The following GPD2 variants were observed in gnomAD, a reference collection of about 807,000 sequenced individuals.
GPD2 encodes glycerol-3-phosphate dehydrogenase, mitochondrial.
Under a neutral mutation model 82.4 loss-of-function variants are expected in GPD2, and 54 were observed. That is an observed-to-expected ratio of 0.66 (90% CI 0.53 to 0.82). The LOEUF is 0.82. Ranked by LOEUF, GPD2 falls within the 40% of genes least tolerant of loss-of-function variation. GPD2 has a pLI of 0.00. For missense variants in GPD2, 748 were observed against 896.2 expected (o/e 0.83, Z 2.11); for synonymous variants, 288 against 306.1 (o/e 0.94, Z 0.62).
At chr2:156,492,188 C>T (rs1431035943) in intron 2 of GPD2, among the ~76,000 whole-genome samples, 6 of 108,066 alleles carry the variant, frequency 5.6e-5, no homozygotes, top group African/African-American at 2.1e-4. Context: ...AGAATATCCT[C>T]TGTCACCTAG....
At chr2:156,413,443 G>T in the GPD2 span, among the ~76,000 whole-genome samples, 1 of 151,764 alleles carries the variant, frequency 6.6e-6, no homozygotes, top group Admixed American at 6.6e-5. Flanking sequence ...AATTAGCCAG[G>T]TGTGGTGGTT....
intron 2 of GPD2, among the ~76,000 whole-genome samples, chr2:156,492,558 T>C (rs1038747016): frequency 6.6e-6 from 1 of 151,836 alleles, no homozygotes; most frequent in Non-Finnish European, 1.5e-5. Flanking sequence ...GTTTTATACA[T>C]GGAAATGACA....
At chr2:156,491,604 C>T (rs189044478) in intron 2 of GPD2, among the ~76,000 whole-genome samples, 42 of 152,116 alleles carry the variant, frequency 2.8e-4, no homozygotes, top group African/African-American at 9.2e-4. Flanking sequence ...CAGTTGAGGA[C>T]GATTATGAAT....
chr2:156,402,568 G>C, the GPD2 span, among the ~76,000 whole-genome samples: 3 of 152,314 alleles, frequency 2.0e-5, no homozygotes, highest in African/African-American at 7.2e-5. Flanking sequence ...TACCTTTCCA[G>C]AGGTGCTTCA....
Position 156,512,314 on chromosome 2 carries a change from A to G in GPD2, c.494A>G (p.Tyr165Cys). The change falls in exon 5 of 17, where the codon TAC becomes TGC. Residue 165 changes from tyrosine (Y) to cysteine (C), a missense_variant. Tyr to Cys is a radical substitution (Grantham distance 194, BLOSUM62 -2). Transcript: ENST00000438166. The part of the protein sequence containing the change: ...SAPLPIMLPV[Y>C]KWWQLPYYWV... Reference sequence around the variant, plus strand: ...CCATTGCCTATAATGCTTCCAGTTTACAAGTAAGCCTTTTGATATCACCTG... The same window carrying G: ...CCATTGCCTATAATGCTTCCAGTTTGCAAGTAAGCCTTTTGATATCACCTG... The G allele has an allele frequency of 6.6e-7, 1 of 1,514,928 alleles. No individual in the cohort carries two copies. The highest frequency in any genetic ancestry group is 9.2e-7 in the Non-Finnish European group (1 of 1,089,506). The allele number at this position is 1,514,928 out of a possible 1,614,324, so 93.8% of individuals were successfully genotyped here. A position where few individuals can be genotyped will look rare whatever the true frequency, so the allele number is the denominator to read the frequency against.
Position 156,585,917 on chromosome 2 carries a change from G to A in GPD2, c.*2999G>A, listed in dbSNP as rs562063404. On this transcript the variant is annotated 3_prime_UTR_variant, in exon 17 of 17. Coordinates refer to ENST00000438166, the MANE Select transcript of GPD2 (RefSeq NM_000408.5). ...ATACACACCGCATGTTTTCATATGTGGCACTTTTATGTATCATGTTGGGTT... is the reference window on the plus strand; with the variant it reads ...ATACACACCGCATGTTTTCATATGTAGCACTTTTATGTATCATGTTGGGTT... 23 of 152,484 alleles carry A rather than the reference G, an allele frequency of 1.5e-4. No individual in the cohort carries two copies. Among genetic ancestry groups the A allele is most frequent in the Admixed American group, 1.1e-3 (17 of 15,232 alleles). The allele number at this position is 152,484 out of a possible 1,614,324, so 9.4% of individuals were successfully genotyped here.
intron 2 of GPD2, among the ~76,000 whole-genome samples, chr2:156,476,425 AT>A (rs1214250819): frequency 1.3e-5 from 2 of 152,202 alleles, no homozygotes; most frequent in African/African-American, 4.8e-5. Context: ...AGGAAGCATT[AT>A]TTAGCCTGTG....
chr2:156,557,349 T>C (rs369671755), intron 8 of GPD2, 40 bp from the exon 9 acceptor site: 21 of 1,257,346 alleles, frequency 1.7e-5, no homozygotes, highest in Non-Finnish European at 2.3e-5. Context: ...GTTAAACTTC[T>C]GGGATTTTCA....
rs765791937 is a variant in GPD2 at position 156,496,121 on chromosome 2, G to A, written c.180G>A (p.Gln60=). ...VNREPPSREA[Q]LLTLQNTSEF... ...GGGAGCCTCCTTCCAGAGAAGCTCA[G>A]CTACTGACTTTGCAAAACACATCTG... Residue 60 remains glutamine (Q), a synonymous_variant, in exon 3 of 17, where the codon CAG becomes CAA. Transcript: ENST00000438166. 6.2e-7 allele frequency: 1 copy of A among 1,612,222 alleles called. No individual in the cohort carries two copies. The highest frequency in any genetic ancestry group is 1.7e-5 in the Admixed American group (1 of 60,016).
intron 2 of GPD2, among the ~76,000 whole-genome samples, chr2:156,483,332 A>G (rs1199958497): frequency 6.6e-6 from 1 of 152,226 alleles, no homozygotes. Context: ...TCTTCATAAA[A>G]TAAAGATAAT....
At chr2:156,442,018 C>T (rs2105139632) in intron 1 of GPD2, among the ~76,000 whole-genome samples, 1 of 152,064 alleles carries the variant, frequency 6.6e-6, no homozygotes, top group Admixed American at 6.5e-5. Context: ...CTGTCAAAGT[C>T]TGGGTACTTT....
intron 1 of GPD2, among the ~76,000 whole-genome samples, chr2:156,440,428 A>G (rs1404062053): frequency 6.6e-6 from 1 of 152,224 alleles, no homozygotes; most frequent in Non-Finnish European, 1.5e-5. Flanking sequence ...TGTTTAGATA[A>G]TGATTGTGGT....
intron 1 of GPD2, among the ~76,000 whole-genome samples, chr2:156,445,473 T>A (rs1682337852): frequency 6.6e-6 from 1 of 152,240 alleles, no homozygotes; most frequent in Non-Finnish European, 1.5e-5. Context: ...TTTTCACCAA[T>A]GATGCTGAAC....
chr2:156,568,493 C>CT (rs1687471985), intron 9 of GPD2, among the ~76,000 whole-genome samples: 2 of 151,876 alleles, frequency 1.3e-5, no homozygotes, highest in South Asian at 2.1e-4. Context: ...ATTGTTTCTG[C>CT]TTTTTTTTCT....
chr2:156,529,269 A>G (rs1457545134), intron 6 of GPD2, among the ~76,000 whole-genome samples: 2 of 150,936 alleles, frequency 1.3e-5, no homozygotes, highest in Admixed American at 1.3e-4. Flanking sequence ...TCCTTCGCCC[A>G]CTTTTTGATG....
At chr2:156,572,473 T>G (rs930288099) in intron 13 of GPD2, among the ~76,000 whole-genome samples, 4 of 152,030 alleles carry the variant, frequency 2.6e-5, no homozygotes, top group Non-Finnish European at 5.9e-5. Flanking sequence ...TTCCCTCCCC[T>G]TAACTGGTGT....
At chr2:156,548,840 T>C (rs1686646747) in intron 6 of GPD2, among the ~76,000 whole-genome samples, 1 of 152,146 alleles carries the variant, frequency 6.6e-6, no homozygotes, top group African/African-American at 2.4e-5. Context: ...TAATTCTTCC[T>C]GGTCAGCGTT....
chr2:156,530,424 C>A lies in GPD2; in HGVS notation c.661+16928C>A, dbSNP rs1001280218. On this transcript the variant is annotated intron_variant, in intron 6 of 16. Transcript: ENST00000438166. Reference sequence around the variant, plus strand: ...TTTCCTAACTGAATACCCTTTATTTCTTTCTCCTGTCTAATTGCCCTGGCC... The same window carrying A: ...TTTCCTAACTGAATACCCTTTATTTATTTCTCCTGTCTAATTGCCCTGGCC... Among the ~76,000 whole-genome samples, 10 of 151,516 alleles carry A rather than the reference C, an allele frequency of 6.6e-5. No individual in the cohort carries two copies. In the South Asian group the frequency reaches 1.0e-3, roughly 16 times the overall value.
chr2:156,488,408 C>T (rs72895214), intron 2 of GPD2, among the ~76,000 whole-genome samples: 1,545 of 152,216 alleles, frequency 0.01, 16 homozygotes, highest in Admixed American at 0.02. Flanking sequence ...TTCCATCGAT[C>T]GACTCATATA....
Sources: allele counts gnomAD v4.1 joint callset (sites outside exome capture counted in the v4.1 genomes callset), GRCh38; gene constraint gnomAD v4.1.1; transcripts MANE v1.5; gene names NCBI Gene and HGNC (gene_info 2026-07-23, HGNC 2026-07-21).